The following ACKR5 variants were observed in gnomAD, a reference collection of about 807,000 sequenced individuals.
ACKR5 encodes the protein G protein-coupled receptor 182.
At chr12:56,997,693 G>A in the ACKR5 span, 1 of 152,156 alleles carries the variant, frequency 6.6e-6, no homozygotes, top group Admixed American at 6.5e-5. Flanking sequence ...CGTGGTAAGG[G>A]GACTGGATGG....
At chr12:56,995,337 G>A in the ACKR5 span, 1 of 1,614,210 alleles carries the variant, frequency 6.2e-7, no homozygotes, top group Non-Finnish European at 8.5e-7. This position sits in a 1 kb window ranked among gnomAD's most constrained non-coding sequence, Gnocchi z 4.7. Context: ...TTGTCTGAGT[G>A]CCACGTGGAG....
the ACKR5 span, chr12:56,995,335 G>C: frequency 6.2e-7 from 1 of 1,614,218 alleles, no homozygotes; most frequent in South Asian, 1.1e-5. The surrounding 1 kb of genome is among the most constrained non-coding windows in gnomAD (Gnocchi z 4.7). Flanking sequence ...CTTTGTCTGA[G>C]TGCCACGTGG....
the ACKR5 span, chr12:56,995,352 G>T: frequency 6.2e-7 from 1 of 1,614,238 alleles, no homozygotes; most frequent in Non-Finnish European, 8.5e-7. The surrounding 1 kb of genome is among the most constrained non-coding windows in gnomAD (Gnocchi z 4.7). Flanking sequence ...GTGGAGCTCA[G>T]CCAGAGCACC....
At chr12:56,995,162 T>C in the ACKR5 span, 5 of 1,562,706 alleles carry the variant, frequency 3.2e-6, no homozygotes, top group African/African-American at 5.4e-5. The surrounding 1 kb of genome is among the most constrained non-coding windows in gnomAD (Gnocchi z 4.7). Flanking sequence ...CGAGGTCTGC[T>C]TTCCCTTCCA....
the ACKR5 span, chr12:56,995,113 C>G: frequency 9.0e-7 from 1 of 1,115,102 alleles, no homozygotes; most frequent in Non-Finnish European, 1.3e-6. This position sits in a 1 kb window ranked among gnomAD's most constrained non-coding sequence, Gnocchi z 4.7. Flanking sequence ...CCAAAGCCCC[C>G]GACTCCCTCT....
chr12:56,995,565 G>T, the ACKR5 span: 1 of 1,614,130 alleles, frequency 6.2e-7, no homozygotes, highest in South Asian at 1.1e-5. This position sits in a 1 kb window ranked among gnomAD's most constrained non-coding sequence, Gnocchi z 4.7. Context: ...GACTACACCT[G>T]GCTCTGGGGC....
At chr12:56,997,214 C>T in the ACKR5 span, 11 of 152,380 alleles carry the variant, frequency 7.2e-5, 1 homozygote, top group Admixed American at 7.2e-4. Flanking sequence ...AACTTCCAGA[C>T]TTCTAGGGAG....
chr12:56,996,848 G>A, the ACKR5 span: 1 of 164,804 alleles, frequency 6.1e-6, no homozygotes, highest in Admixed American at 5.8e-5. Context: ...TTGCGTTTGT[G>A]AGCTTGTTGA....
the ACKR5 span, chr12:56,994,780 C>T: frequency 1.5e-5 from 3 of 201,254 alleles, no homozygotes; most frequent in Non-Finnish European, 3.1e-5. Flanking sequence ...GTGTTCCACA[C>T]TCACGGTCCA....
At chr12:56,998,086 C>CAAAAAAGCAAGCCA in the ACKR5 span, 1 of 152,214 alleles carries the variant, frequency 6.6e-6, no homozygotes, top group Non-Finnish European at 1.5e-5. Flanking sequence ...TGTCCCAACA[C>CAAAAAAGCAAGCCA]AAAAAAGCAA....
the ACKR5 span, chr12:56,995,664 A>G: frequency 1.9e-6 from 3 of 1,613,926 alleles, no homozygotes; most frequent in Non-Finnish European, 2.5e-6. This position sits in a 1 kb window ranked among gnomAD's most constrained non-coding sequence, Gnocchi z 4.7. Flanking sequence ...GTCGACCGCT[A>G]TGTCACCCTC....
chr12:56,995,427 T>C, the ACKR5 span: 1 of 1,614,186 alleles, frequency 6.2e-7, no homozygotes, highest in South Asian at 1.1e-5. The surrounding 1 kb of genome is among the most constrained non-coding windows in gnomAD (Gnocchi z 4.7). Flanking sequence ...GAGAACCTCC[T>C]GGTGATATGC....
At chr12:56,995,249 G>C in the ACKR5 span, 4 of 1,613,922 alleles carry the variant, frequency 2.5e-6, no homozygotes, top group Non-Finnish European at 3.4e-6. This position sits in a 1 kb window ranked among gnomAD's most constrained non-coding sequence, Gnocchi z 4.7. Context: ...CCCCTCGGAG[G>C]GGGTCACCGC....
the ACKR5 span, chr12:56,995,657 G>A: frequency 5.0e-6 from 8 of 1,613,788 alleles, no homozygotes; most frequent in Middle Eastern, 1.6e-4. The surrounding 1 kb of genome is among the most constrained non-coding windows in gnomAD (Gnocchi z 4.7). Context: ...CCTCAGTGTC[G>A]ACCGCTATGT....
the ACKR5 span, chr12:56,995,450 G>A: frequency 3.9e-5 from 63 of 1,614,088 alleles, no homozygotes; most frequent in Admixed American, 1.2e-4. This position sits in a 1 kb window ranked among gnomAD's most constrained non-coding sequence, Gnocchi z 4.7. Flanking sequence ...CAACTGGCGC[G>A]GCTCAGGCCG....
At chr12:56,998,280 T>G in the ACKR5 span, 3 of 151,890 alleles carry the variant, frequency 2.0e-5, no homozygotes, top group Non-Finnish European at 4.4e-5. Context: ...AGGGGAAGAG[T>G]GGGAACCAGC....
the ACKR5 span, chr12:56,996,689 T>C: frequency 2.5e-6 from 1 of 395,904 alleles, no homozygotes; most frequent in Admixed American, 4.1e-5. Flanking sequence ...CCATGGACTC[T>C]GGATCTTTTA....
chr12:56,995,195 C>A, the ACKR5 span: 1 of 1,605,548 alleles, frequency 6.2e-7, no homozygotes, highest in Non-Finnish European at 8.5e-7. The surrounding 1 kb of genome is among the most constrained non-coding windows in gnomAD (Gnocchi z 4.7). Flanking sequence ...TCCCAATAGG[C>A]GTGTGCTGGT....
At chr12:56,995,191 T>C in the ACKR5 span, 6 of 1,600,888 alleles carry the variant, frequency 3.7e-6, no homozygotes, top group South Asian at 1.1e-5. This position sits in a 1 kb window ranked among gnomAD's most constrained non-coding sequence, Gnocchi z 4.7. Flanking sequence ...TTCATCCCAA[T>C]AGGCGTGTGC....
Sources: gnomAD v4.1 joint callset for allele counts on GRCh38, gnomAD v4.1.1 for gene constraint, Gnocchi (gnomAD v3.1) non-coding constraint, MANE v1.5 for transcripts, NCBI Gene and HGNC (gene_info 2026-07-23, HGNC 2026-07-21) for gene names.